The following KRAS variants were observed in gnomAD, a reference collection of about 807,000 sequenced individuals.
The protein encoded by KRAS is KRas proto-oncogene, GTPase, also known as GTPase KRas.
Under a neutral mutation model 21.0 loss-of-function variants are expected in KRAS, and 1 was observed. The ratio of observed to expected loss-of-function variants is 0.05; its 90% CI spans 0.02 to 0.23. The LOEUF is 0.23. Among genes scored for constraint, KRAS ranks in the 10% least tolerant of loss-of-function variants. The pLI is 1.00. For missense variants in KRAS, 107 were observed against 221.8 expected (o/e 0.48, Z 3.29); for synonymous variants, 67 against 72.5 (o/e 0.92, Z 0.39).
chr12:25,205,604 A>G lies in KRAS; in HGVS notation c.*4191T>C, dbSNP rs1565876751. 2 of 222,158 alleles carry G rather than the reference A, an allele frequency of 9.0e-6. No homozygotes were observed. The highest frequency in any genetic ancestry group is 1.8e-5 in the Non-Finnish European group (2 of 110,838). 13.8% of individuals were successfully genotyped at this position (222,158 alleles called of 1,614,324 possible). A position where few individuals can be genotyped will look rare whatever the true frequency, so the allele number is the denominator to read the frequency against. The stretch of plus-strand genomic sequence containing the variant: ...AATTGGCACTCAAAGGAAAAATGCA[A>G]AAGTATTTTCAACATGAAAACACAA... On this transcript the variant is annotated 3_prime_UTR_variant, in exon 5 of 5. Transcript: ENST00000311936.
At chr12:25,215,644 G>A in intron 4 of KRAS, 3 of 1,147,526 alleles carry the variant, frequency 2.6e-6, no homozygotes, top group Non-Finnish European at 2.6e-6. Context: ...AGAAGTTTGA[G>A]ATTATGAGCT....
At chr12:25,249,551 C>T (rs1177271458) in intron 1 of KRAS, among the ~76,000 whole-genome samples, 1 of 138,838 alleles carries the variant, frequency 7.2e-6, no homozygotes, top group East Asian at 2.0e-4. Context: ...GATACCGCGC[C>T]ATTGCACTCC....
chr12:25,242,962 C>A (rs1156265162), intron 2 of KRAS, among the ~76,000 whole-genome samples: 1 of 151,832 alleles, frequency 6.6e-6, no homozygotes, highest in African/African-American at 2.4e-5. Context: ...ATCTAAATCA[C>A]CAAAAAATAC....
At chr12:25,212,154 TAA>T (rs1951205859) in intron 4 of KRAS, among the ~76,000 whole-genome samples, 1 of 152,196 alleles carries the variant, frequency 6.6e-6, no homozygotes, top group African/African-American at 2.4e-5. Context: ...GATAGAATCT[TAA>T]AAGAGGATCT....
chr12:25,242,928 ATC>A (rs1429165870), intron 2 of KRAS, among the ~76,000 whole-genome samples: 5 of 152,162 alleles, frequency 3.3e-5, no homozygotes, highest in East Asian at 1.9e-4. Context: ...CCTCCTTACT[ATC>A]TCTTAGTGTA....
At chr12:25,230,845 A>C (rs561002745) in intron 2 of KRAS, among the ~76,000 whole-genome samples, 34 of 152,316 alleles carry the variant, frequency 2.2e-4, no homozygotes, top group Non-Finnish European at 4.1e-4. Flanking sequence ...TTATTTTCTA[A>C]ATAAGAGGCT....
At chr12:25,239,626 G>A (rs942944438) in intron 2 of KRAS, among the ~76,000 whole-genome samples, 1 of 152,192 alleles carries the variant, frequency 6.6e-6, no homozygotes, top group East Asian at 1.9e-4. Context: ...CACTGCGGGA[G>A]AAAGAAGGTG....
intron 2 of KRAS, among the ~76,000 whole-genome samples, chr12:25,230,676 C>G (rs1386527574): frequency 6.6e-6 from 1 of 152,106 alleles, no homozygotes; most frequent in Non-Finnish European, 1.5e-5. Context: ...GTACTAGATG[C>G]TATGTTAAAT....
rs758381201 is a variant in KRAS at position 25,227,227 on chromosome 12, A to T, written c.290+7T>A. ...ATGTCAGCTTATTATATTCAATTTAAACCCACCTATAATGGTGAATATCTT... is the reference window on the plus strand; with the variant it reads ...ATGTCAGCTTATTATATTCAATTTATACCCACCTATAATGGTGAATATCTT... On this transcript the variant is annotated splice_region_variant and intron_variant, in intron 3 of 4. Transcript: ENST00000311936. The T allele has an allele frequency of 1.9e-6, 3 of 1,603,032 alleles. No individual in the cohort carries two copies. Among genetic ancestry groups the T allele is most frequent in the Non-Finnish European group, 2.6e-6 (3 of 1,170,168 alleles).
In KRAS at chr12:25,209,660, T is replaced by G; in HGVS notation, c.*135A>C. 7.2e-7 allele frequency: 1 copy of G among 1,393,432 alleles called. No homozygotes were observed. Among genetic ancestry groups the G allele is most frequent in the African/African-American group, 1.5e-5 (1 of 67,462 alleles). The allele number at this position is 1,393,432 out of a possible 1,614,324, so 86.3% of individuals were successfully genotyped here. ...CCACTGTCATTTTAAAATAAGCATT[T>G]AAGGTAAAAGCTAACAGTCTGCATG... On this transcript the variant is annotated 3_prime_UTR_variant, in exon 5 of 5. Transcript: ENST00000311936.
chr12:25,222,392 T>A (rs1951338300), intron 4 of KRAS, among the ~76,000 whole-genome samples: 1 of 152,020 alleles, frequency 6.6e-6, no homozygotes. Flanking sequence ...CGGAGGAAGA[T>A]TAATAAGACT....
At chr12:25,245,425 A>C (rs779282636) in intron 1 of KRAS, 30 bp from the exon 2 acceptor site, 1 of 1,561,408 alleles carries the variant, frequency 6.4e-7, no homozygotes, top group Non-Finnish European at 8.7e-7. Context: ...AAATGTGACT[A>C]TATTAGAACA....
intron 1 of KRAS, among the ~76,000 whole-genome samples, chr12:25,246,743 C>T (rs1485151719): frequency 6.6e-6 from 1 of 151,692 alleles, no homozygotes; most frequent in Non-Finnish European, 1.5e-5. Flanking sequence ...GGTGAAACCC[C>T]GTCTCTACTA....
intron 1 of KRAS, among the ~76,000 whole-genome samples, chr12:25,249,524 G>A (rs966624784): frequency 2.9e-5 from 4 of 138,492 alleles, no homozygotes; most frequent in Non-Finnish European, 6.1e-5. Context: ...CCCAGGAGGC[G>A]GAGGTTTCAG....
At chr12:25,209,948 A>C in intron 4 of KRAS, 37 bp from the exon 5 acceptor site, 1 of 1,518,386 alleles carries the variant, frequency 6.6e-7, no homozygotes, top group Non-Finnish European at 9.1e-7. Context: ...GTGAATATAT[A>C]CGATGGCTTC....
At chr12:25,235,531 A>G (rs1426606525) in intron 2 of KRAS, among the ~76,000 whole-genome samples, 1 of 152,194 alleles carries the variant, frequency 6.6e-6, no homozygotes, top group Non-Finnish European at 1.5e-5. Context: ...TCTGACCTCA[A>G]GCAACTAAGG....
At chr12:25,223,125 A>G (rs1428593059) in intron 4 of KRAS, among the ~76,000 whole-genome samples, 2 of 152,204 alleles carry the variant, frequency 1.3e-5, no homozygotes, top group African/African-American at 4.8e-5. Context: ...CCCTTAAAAC[A>G]TTATGCAAAG....
chr12:25,233,444 T>C (rs1456657727), intron 2 of KRAS, among the ~76,000 whole-genome samples: 3 of 151,944 alleles, frequency 2.0e-5, no homozygotes, highest in Non-Finnish European at 4.4e-5. Flanking sequence ...GTCCCAGCTA[T>C]TTGGGGAGCT....
chr12:25,241,349 T>C (rs1951607724), intron 2 of KRAS, among the ~76,000 whole-genome samples: 3 of 152,170 alleles, frequency 2.0e-5, no homozygotes, highest in Admixed American at 2.0e-4. Flanking sequence ...TTACTTGTTA[T>C]AAAGCAAATA....
Sources: allele counts gnomAD v4.1 joint callset (sites outside exome capture counted in the v4.1 genomes callset), GRCh38; gene constraint gnomAD v4.1.1; transcripts MANE v1.5; gene names NCBI Gene and HGNC (gene_info 2026-07-23, HGNC 2026-07-21).